Variants in MAMDC2 observed in about 807,000 individuals in gnomAD.
MAMDC2 encodes the protein MAM domain containing 2.
In MAMDC2, 57 loss-of-function variants were observed where a neutral mutation model predicts 89.8. The ratio of observed to expected loss-of-function variants is 0.63; its 90% CI spans 0.51 to 0.79. The LOEUF is 0.79. Among genes scored for constraint, MAMDC2 ranks in the 30% least tolerant of loss-of-function variants. MAMDC2 has a pLI of 0.00. For synonymous variants in MAMDC2, 313 were observed against 293.4 expected, an observed-to-expected ratio of 1.07 and a Z score of -0.68; for missense variants, 800 against 820.6, an observed-to-expected ratio of 0.97 and a Z score of 0.31.
intron 11 of MAMDC2, among the ~76,000 whole-genome samples, chr9:70,213,213 C>T (rs2033388718): frequency 6.6e-6 from 1 of 152,174 alleles, no homozygotes; most frequent in Non-Finnish European, 1.5e-5. Context: ...TTCATTACTT[C>T]CCCTCCATTT....
chr9:70,176,818 C>G (rs564605217), intron 11 of MAMDC2, among the ~76,000 whole-genome samples: 1 of 152,268 alleles, frequency 6.6e-6, no homozygotes, highest in South Asian at 2.1e-4. Flanking sequence ...CTTGAAATTA[C>G]TTTAATAACT....
At chr9:70,189,973 A>G (rs933386338) in intron 11 of MAMDC2, among the ~76,000 whole-genome samples, 9 of 152,094 alleles carry the variant, frequency 5.9e-5, no homozygotes, top group African/African-American at 2.2e-4. Flanking sequence ...GATACTCTCT[A>G]TGCATTGAGT....
chr9:70,205,880 A>C (rs1038418563), intron 11 of MAMDC2, among the ~76,000 whole-genome samples: 7 of 152,204 alleles, frequency 4.6e-5, no homozygotes, highest in African/African-American at 1.7e-4. Context: ...AAAACTTGTC[A>C]AACAGGGCTT....
intron 11 of MAMDC2, among the ~76,000 whole-genome samples, chr9:70,179,972 C>T (rs895504989): frequency 6.6e-6 from 1 of 150,566 alleles, no homozygotes; most frequent in Admixed American, 6.7e-5. Context: ...GACCTATCAT[C>T]CCAACATCTA....
intron 11 of MAMDC2, among the ~76,000 whole-genome samples, chr9:70,173,478 G>A (rs1029583141): frequency 6.6e-6 from 1 of 152,128 alleles, no homozygotes; most frequent in African/African-American, 2.4e-5. Flanking sequence ...AAAATCGGAT[G>A]GTGGAAAGGT....
At position 70,140,264 on chromosome 9, in the gene MAMDC2, G is replaced by C. The variant is rs144097810; in HGVS notation, c.1114G>C (p.Ala372Pro). Residue 372 changes from alanine to proline, a missense_variant, in exon 8 of 14, where the codon GCT (alanine) becomes CCT (proline). Ala to Pro is a conservative substitution (Grantham distance 27). Coordinates refer to ENST00000377182, the MANE Select transcript of MAMDC2 (RefSeq NM_153267.5). The stretch of plus-strand genomic sequence containing the variant: ...GAAAGTAAAACCAAACATGTATCGG[G>C]CTGGAGACCACACTACAGGCTTAGG... The part of the protein sequence containing the change: ...RVKVKPNMYR[A>P]GDHTTGLGYY... 2.3e-3 allele frequency: 3,608 copies of C among 1,602,200 alleles called. 9 individuals carry two copies. The highest frequency in any genetic ancestry group is 2.7e-3 in the Non-Finnish European group (3,120 of 1,175,586).
intron 2 of MAMDC2, among the ~76,000 whole-genome samples, chr9:70,050,507 A>G (rs546429762): frequency 3.3e-5 from 5 of 152,328 alleles, no homozygotes; most frequent in African/African-American, 1.2e-4. Context: ...TCTATGTCTC[A>G]GTTTCCTTGG....
intron 2 of MAMDC2, among the ~76,000 whole-genome samples, chr9:70,045,038 C>A (rs893456264): frequency 1.3e-5 from 2 of 152,158 alleles, no homozygotes; most frequent in African/African-American, 4.8e-5. Flanking sequence ...CCTCTGCAGG[C>A]CAGCAACCTT....
At chr9:70,167,145 T>C (rs992722723) in intron 9 of MAMDC2, among the ~76,000 whole-genome samples, 1 of 151,958 alleles carries the variant, frequency 6.6e-6, no homozygotes, top group African/African-American at 2.4e-5. Context: ...GAAAAAAAAA[T>C]CCACCCTGTT....
chr9:70,078,902 C>T (rs1426806234), intron 2 of MAMDC2, among the ~76,000 whole-genome samples: 2 of 152,148 alleles, frequency 1.3e-5, no homozygotes, highest in Non-Finnish European at 2.9e-5. Flanking sequence ...AGAATTATTG[C>T]CCTCCTTCCC....
At position 70,054,363 on chromosome 9, in the gene MAMDC2, C is replaced by T. The variant is rs149426461; in HGVS notation, c.148+9666C>T. On this transcript the variant is annotated intron_variant, in intron 2 of 13. Coordinates refer to ENST00000377182, the MANE Select transcript of MAMDC2 (RefSeq NM_153267.5). ...GGGACATGAAAGAAACAGGAAGAAC[C>T]GGGCATGTATGAGAAGAATTAGGAA... Among the ~76,000 whole-genome samples the T allele has an allele frequency of 1.1e-4, 16 of 152,042 alleles. No homozygotes were observed. The East Asian group carries it at 1.9e-3, about 18-fold the overall frequency.
chr9:70,176,276 C>T (rs2032497766), intron 11 of MAMDC2, among the ~76,000 whole-genome samples: 1 of 152,172 alleles, frequency 6.6e-6, no homozygotes. Context: ...TAAATTGCTC[C>T]TAATTCTACT....
At chr9:70,102,091 T>G (rs1014657475) in intron 2 of MAMDC2, among the ~76,000 whole-genome samples, 16 of 150,080 alleles carry the variant, frequency 1.1e-4, no homozygotes, top group African/African-American at 4.1e-4. Flanking sequence ...ATTTCGTATG[T>G]GTGTGTGTTG....
intron 11 of MAMDC2, among the ~76,000 whole-genome samples, chr9:70,171,514 T>C (rs544307519): frequency 6.6e-6 from 1 of 152,140 alleles, no homozygotes; most frequent in Admixed American, 6.5e-5. Context: ...AAATAAATAA[T>C]AAATTAAAAA....
chr9:70,136,003 T>C (rs1040627698), intron 7 of MAMDC2, among the ~76,000 whole-genome samples: 3 of 151,922 alleles, frequency 2.0e-5, no homozygotes, highest in Non-Finnish European at 2.9e-5. Flanking sequence ...ATACAAAAAT[T>C]AGCCAGGCAT....
intron 2 of MAMDC2, among the ~76,000 whole-genome samples, chr9:70,099,739 C>A (rs1828115371): frequency 6.6e-6 from 1 of 152,086 alleles, no homozygotes; most frequent in African/African-American, 2.4e-5. Context: ...CTTTGGGAGG[C>A]CGAGGCGGGT....
chr9:70,067,939 C>A (rs1563939209), intron 2 of MAMDC2, among the ~76,000 whole-genome samples: 1 of 152,174 alleles, frequency 6.6e-6, no homozygotes, highest in Admixed American at 6.5e-5. Flanking sequence ...GCCATGTGAT[C>A]TTATACAAGG....
chr9:70,149,143 G>A (rs2118441219), intron 9 of MAMDC2, among the ~76,000 whole-genome samples: 1 of 149,846 alleles, frequency 6.7e-6, no homozygotes, highest in South Asian at 2.1e-4. Flanking sequence ...CCCAGGAGGT[G>A]GATGGAGGTT....
intron 6 of MAMDC2, among the ~76,000 whole-genome samples, chr9:70,126,777 C>T (rs949028161): frequency 6.6e-6 from 1 of 151,910 alleles, no homozygotes; most frequent in Admixed American, 6.6e-5. Context: ...CAGTCTTGAG[C>T]TACCCTTCCT....
Sources: allele counts gnomAD v4.1 joint callset (sites outside exome capture counted in the v4.1 genomes callset), GRCh38; gene constraint gnomAD v4.1.1; transcripts MANE v1.5; gene names NCBI Gene and HGNC (gene_info 2026-07-23, HGNC 2026-07-21).